Variants in TTC17 observed in about 807,000 individuals in gnomAD.
TTC17 encodes the protein tetratricopeptide repeat domain 17.
TTC17 carries 58 observed loss-of-function variants against 143.8 expected under a neutral mutation model. The ratio of observed to expected loss-of-function variants is 0.40; its 90% CI spans 0.33 to 0.50. The LOEUF (loss-of-function observed/expected upper bound fraction) is 0.50, where lower values mean the gene tolerates loss of function less well. Among genes scored for constraint, TTC17 ranks in the 20% least tolerant of loss-of-function variants. The probability of loss-of-function intolerance (pLI) is 0.49; values close to 1 mark genes in which losing one functional copy is unlikely to be tolerated. For synonymous variants in TTC17, 501 were observed against 497.8 expected (o/e 1.01, Z -0.09); for missense variants, 1,273 against 1,392.5 (o/e 0.91, Z 1.37).
intron 8 of TTC17, 48 bp downstream of exon 8, chr11:43,398,161 T>C (rs750649968): frequency 6.2e-7 from 1 of 1,606,684 alleles, no homozygotes; most frequent in South Asian, 1.1e-5. Flanking sequence ...TATCGAACCT[T>C]AGGTTAAATC....
intron 21 of TTC17, among the ~76,000 whole-genome samples, chr11:43,465,474 TAAATA>T (rs1273529246): frequency 6.6e-6 from 1 of 151,460 alleles, no homozygotes; most frequent in African/African-American, 2.4e-5. Flanking sequence ...AGGGAGAAAA[TAAATA>T]AAAGGGAAAT....
chr11:43,367,769 TAA>T (rs374880186), intron 1 of TTC17, among the ~76,000 whole-genome samples: 14 of 151,588 alleles, frequency 9.2e-5, no homozygotes, highest in African/African-American at 2.9e-4. Context: ...ACAGACACCC[TAA>T]AAGAGTTATC....
In TTC17 at chr11:43,453,356, A is replaced by G. The variant is rs537560183; in HGVS notation, c.3030+2091A>G. Among the ~76,000 whole-genome samples the G allele has an allele frequency of 7.1e-4, 108 of 152,278 alleles. 1 individual carries two copies. The highest frequency in any genetic ancestry group is 1.0e-3 in the Non-Finnish European group (71 of 68,022). ...GTCAACAGCAGTGCTTATTGAAGCA[A>G]AATTACTCCATCTTGGAAGAAAAAA... On this transcript the variant is annotated intron_variant, in intron 21 of 23. Transcript: ENST00000039989.
intron 16 of TTC17, among the ~76,000 whole-genome samples, chr11:43,417,358 G>C (rs554325111): frequency 6.6e-6 from 1 of 152,184 alleles, no homozygotes; most frequent in South Asian, 2.1e-4. Context: ...AGATGATTCT[G>C]TTTGCCGTTT....
intron 16 of TTC17, chr11:43,436,478 T>C (rs1290651564): frequency 5.9e-6 from 4 of 678,902 alleles, no homozygotes; most frequent in Non-Finnish European, 8.3e-6. Flanking sequence ...CCCTAGGTGG[T>C]GAGGCAGAAG....
chr11:43,403,945 C>G, intron 10 of TTC17, 53 bp from the exon 11 acceptor site: 1 of 1,482,362 alleles, frequency 6.7e-7, no homozygotes, highest in Admixed American at 2.3e-5. Context: ...AAATTATAAT[C>G]ACAACTCCTT....
intron 21 of TTC17, among the ~76,000 whole-genome samples, chr11:43,473,845 T>G (rs1320520989): frequency 1.4e-5 from 2 of 147,442 alleles, no homozygotes; most frequent in Admixed American, 6.9e-5. Context: ...ATTGCACCCC[T>G]GCACTTCAGC....
chr11:43,449,700 AT>A (rs1460276846), intron 19 of TTC17: 1 of 157,958 alleles, frequency 6.3e-6, no homozygotes, highest in African/African-American at 2.4e-5. Context: ...AGTGCATATG[AT>A]AGTCTATAAT....
Position 43,391,822 on chromosome 11 carries a change from G to A in TTC17, c.533G>A (p.Gly178Asp). The A allele has an allele frequency of 3.1e-6, 5 of 1,611,866 alleles. No homozygotes were observed. The highest frequency in any genetic ancestry group is 4.2e-6 in the Non-Finnish European group (5 of 1,179,518). ...TTTGAATCTTTTTCTTCTCTTCAGG[G>A]TGTACAGGAGAGAGTTAATCTTTCT... ...YSIHAFQHLR[G>D]VQERVNLSAP... Residue 178 changes from glycine to aspartate, a missense_variant and splice_region_variant, in exon 5 of 24, where the codon GGT becomes GAT. By Grantham distance (94) the Gly-to-Asp change is moderately conservative. Transcript: ENST00000039989.
At chr11:43,432,329 A>C (rs1358162204) in intron 16 of TTC17, among the ~76,000 whole-genome samples, 1 of 152,230 alleles carries the variant, frequency 6.6e-6, no homozygotes, top group Non-Finnish European at 1.5e-5. Context: ...AAGCATAGAA[A>C]AGAATGTTAA....
intron 1 of TTC17, among the ~76,000 whole-genome samples, chr11:43,372,735 C>T (rs900457632): frequency 1.2e-4 from 18 of 152,138 alleles, no homozygotes; most frequent in Non-Finnish European, 1.5e-5. Flanking sequence ...AGGTGATCCA[C>T]CCGCCTCAGC....
intron 21 of TTC17, among the ~76,000 whole-genome samples, chr11:43,451,761 T>C (rs1467504452): frequency 6.6e-6 from 1 of 152,208 alleles, no homozygotes; most frequent in African/African-American, 2.4e-5. Context: ...GTGATATTTG[T>C]GTAAAGAGGA....
At chr11:43,359,821 A>G (rs1056886212) in intron 1 of TTC17, among the ~76,000 whole-genome samples, 1 of 152,200 alleles carries the variant, frequency 6.6e-6, no homozygotes, top group South Asian at 2.1e-4. Flanking sequence ...CCAGCCTCGC[A>G]TGGAGGATAT....
chr11:43,362,054 C>G (rs1856129058), intron 1 of TTC17, among the ~76,000 whole-genome samples: 1 of 149,026 alleles, frequency 6.7e-6, no homozygotes, highest in Non-Finnish European at 1.5e-5. Flanking sequence ...TATCTTGGCT[C>G]ACCACAACCT....
At chr11:43,419,332 A>C (rs200689037) in intron 16 of TTC17, among the ~76,000 whole-genome samples, 1 of 152,258 alleles carries the variant, frequency 6.6e-6, no homozygotes, top group East Asian at 1.9e-4. Context: ...TTTAATATCT[A>C]TTCCAATGTG....
Position 43,494,286 on chromosome 11 carries a change from T to C in TTC17, c.*382T>C, listed in dbSNP as rs1363165140. 1.2e-5 allele frequency: 2 copies of C among 165,804 alleles called. No homozygotes were observed. Among genetic ancestry groups the C allele is most frequent in the African/African-American group, 4.8e-5 (2 of 41,566 alleles). The allele number at this position is 165,804 out of a possible 1,614,324, so 10.3% of individuals were successfully genotyped here. A position where few individuals can be genotyped will look rare whatever the true frequency, so the allele number is the denominator to read the frequency against. ...GGATGAAGCCGCATTGCACATTCTC[T>C]GCTTCCTGTCGTAGCCTCTGTTGTC... On this transcript the variant is annotated 3_prime_UTR_variant, in exon 24 of 24. Coordinates refer to ENST00000039989, the MANE Select transcript of TTC17 (RefSeq NM_018259.6).
At chr11:43,397,148 A>T (rs1474013185) in intron 6 of TTC17, 199 bp from the exon 7 acceptor site, 1 of 543,268 alleles carries the variant, frequency 1.8e-6, no homozygotes, top group African/African-American at 1.9e-5. Context: ...AAAATCATAC[A>T]GTGTCTGCAA....
intron 11 of TTC17, among the ~76,000 whole-genome samples, chr11:43,405,262 C>T (rs1225973177): frequency 2.0e-5 from 3 of 152,068 alleles, no homozygotes; most frequent in African/African-American, 7.2e-5. Flanking sequence ...AAGCCCCAAG[C>T]AAGCCTCTTC....
chr11:43,384,429 G>A (rs1857097630), intron 2 of TTC17, among the ~76,000 whole-genome samples: 1 of 152,228 alleles, frequency 6.6e-6, no homozygotes, highest in Non-Finnish European at 1.5e-5. Context: ...GTCGAGGCGG[G>A]CAGATTGCTT....
Sources: gnomAD v4.1 joint callset for allele counts (sites outside exome capture counted in the v4.1 genomes callset) on GRCh38, gnomAD v4.1.1 for gene constraint, MANE v1.5 for transcripts, NCBI Gene and HGNC (gene_info 2026-07-23, HGNC 2026-07-21) for gene names.